The following ABI3BP variants were observed in gnomAD, a reference collection of about 807,000 sequenced individuals.
The protein encoded by ABI3BP is target of Nesh-SH3.
In ABI3BP, 216 loss-of-function variants were observed where a neutral mutation model predicts 268.6. That is an observed-to-expected ratio of 0.80 (90% confidence interval 0.72 to 0.90). The LOEUF (loss-of-function observed/expected upper bound fraction) is 0.90, where lower values mean the gene tolerates loss of function less well. Among genes scored for constraint, ABI3BP ranks in the 40% least tolerant of loss-of-function variants. The pLI, the probability that ABI3BP is intolerant of heterozygous loss-of-function variation, is 0.00. For synonymous variants in ABI3BP, 730 were observed against 730.0 expected, an observed-to-expected ratio of 1.00 and a Z score of 0.00; for missense variants, 2,090 against 2,182.4, an observed-to-expected ratio of 0.96 and a Z score of 0.84.
intron 41 of ABI3BP, 51 bp from the exon 42 acceptor site, chr3:100,817,546 T>C: frequency 3.8e-6 from 5 of 1,302,096 alleles, no homozygotes; most frequent in Non-Finnish European, 5.2e-6. Flanking sequence ...GAATATTAAT[T>C]TCACAGTTCA....
intron 1 of ABI3BP, among the ~76,000 whole-genome samples, chr3:100,968,771 T>C (rs940060606): frequency 6.6e-6 from 1 of 152,182 alleles, no homozygotes; most frequent in African/African-American, 2.4e-5. Context: ...ACACGTGCTA[T>C]GGTGGTTTGC....
intron 2 of ABI3BP, among the ~76,000 whole-genome samples, chr3:100,904,213 C>A (rs1435220587): frequency 2.0e-5 from 3 of 152,142 alleles, no homozygotes; most frequent in Admixed American, 6.5e-5. Context: ...ATAACTGGGG[C>A]AGGGTTGACT....
At chr3:100,844,349 CAAGTT>C in intron 20 of ABI3BP, 1 of 985,410 alleles carries the variant, frequency 1.0e-6, no homozygotes, top group Non-Finnish European at 1.2e-6. Flanking sequence ...ACGAGGTAGA[CAAGTT>C]AAGACATGGT....
chr3:100,812,362 G>T, intron 46 of ABI3BP, 105 bp downstream of exon 46: 2 of 673,486 alleles, frequency 3.0e-6, no homozygotes, highest in Non-Finnish European at 4.3e-6. Flanking sequence ...GCTGTGAGGA[G>T]CAAGTGGCTA....
chr3:100,974,712 CAAAG>C (rs1217865862), intron 1 of ABI3BP, among the ~76,000 whole-genome samples: 1 of 152,002 alleles, frequency 6.6e-6, no homozygotes, highest in African/African-American at 2.4e-5. Flanking sequence ...ATTAGATAGA[CAAAG>C]GAACTAGAGA....
chr3:100,800,016 T>C (rs2097480449), intron 51 of ABI3BP, among the ~76,000 whole-genome samples: 1 of 152,184 alleles, frequency 6.6e-6, no homozygotes, highest in African/African-American at 2.4e-5. Context: ...TATCTACTAG[T>C]TGGCCAGTCT....
intron 2 of ABI3BP, among the ~76,000 whole-genome samples, chr3:100,908,074 CCACTGCACTGCAGCCTGGGTGA>C (rs1345039058): frequency 6.6e-6 from 1 of 150,976 alleles, no homozygotes; most frequent in East Asian, 1.9e-4. Context: ...CGAGATCGTG[CCACTGCACTGCAGCCTGGGTGA>C]CAGAGCAAAG....
chr3:100,914,533 C>T, intron 2 of ABI3BP: 1 of 430,738 alleles, frequency 2.3e-6, no homozygotes, highest in South Asian at 1.7e-5. Context: ...GAAGGGAGCT[C>T]ACAGCTCATG....
At chr3:100,752,980 C>CTA in intron 65 of ABI3BP, 32 bp from the exon 66 acceptor site, 1 of 1,584,438 alleles carries the variant, frequency 6.3e-7, no homozygotes, top group Non-Finnish European at 8.6e-7. Context: ...AGTTTAGTAT[C>CTA]TGACTCTTGG....
intron 20 of ABI3BP, 36 bp downstream of exon 20, chr3:100,846,336 A>C (rs773699678): frequency 2.2e-6 from 3 of 1,389,206 alleles, no homozygotes; most frequent in Non-Finnish European, 9.8e-7. Context: ...TTTCAACCCC[A>C]CTTTTGGAAT....
chr3:100,787,468 T>C (rs539234727), intron 57 of ABI3BP, among the ~76,000 whole-genome samples: 5 of 152,272 alleles, frequency 3.3e-5, no homozygotes, highest in African/African-American at 1.2e-4. Flanking sequence ...AATTTATTCT[T>C]AATCAGGATC....
chr3:100,967,881 G>T, intron 1 of ABI3BP, among the ~76,000 whole-genome samples: 1 of 151,866 alleles, frequency 6.6e-6, no homozygotes, highest in Non-Finnish European at 1.5e-5. Context: ...AAGGGGCACA[G>T]AAAAAGAAAA....
chr3:100,804,952 C>CCTG, intron 50 of ABI3BP, 86 bp from the exon 51 acceptor site: 1 of 1,063,740 alleles, frequency 9.4e-7, no homozygotes, highest in Non-Finnish European at 1.5e-6. Context: ...AAGGTGTAGC[C>CCTG]TGAACACTGA....
Position 100,838,892 on chromosome 3 carries a change from C to T in ABI3BP, c.1946-428G>A, listed in dbSNP as rs146791320. The stretch of plus-strand genomic sequence containing the variant: ...ATGAGAAATAATGTTACATGGCTGC[C>T]GATGTCTGGGATTTCCCAAAGTAAA... On this transcript the variant is annotated intron_variant, in intron 24 of 67. Transcript: ENST00000471714. Among the ~76,000 whole-genome samples the T allele has an allele frequency of 6.2e-4, 95 of 152,160 alleles. 2 individuals carry two copies. The highest frequency in any genetic ancestry group is 2.1e-3 in the African/African-American group (89 of 41,514).
chr3:100,795,894 C>A, intron 52 of ABI3BP, 43 bp from the exon 53 acceptor site: 1 of 1,247,668 alleles, frequency 8.0e-7, no homozygotes, highest in Non-Finnish European at 1.0e-6. Context: ...ATGAGAATTA[C>A]TACCTGGCAA....
chr3:100,804,973 C>A (rs191511798), intron 50 of ABI3BP, 107 bp from the exon 51 acceptor site: 2 of 883,024 alleles, frequency 2.3e-6, no homozygotes, highest in Non-Finnish European at 3.8e-6. Context: ...TAAAACAAAG[C>A]ATTAGAGAGA....
intron 63 of ABI3BP, among the ~76,000 whole-genome samples, chr3:100,761,240 AT>A (rs1289531205): frequency 1.3e-5 from 2 of 152,122 alleles, no homozygotes; most frequent in Non-Finnish European, 2.9e-5. Flanking sequence ...ATTTCTTTTT[AT>A]TTTAGGAGTA....
intron 9 of ABI3BP, among the ~76,000 whole-genome samples, chr3:100,870,019 C>T (rs1229494417): frequency 3.3e-5 from 5 of 152,114 alleles, no homozygotes; most frequent in Non-Finnish European, 7.4e-5. Context: ...AGCTATTATA[C>T]TTCTTGATGC....
intron 9 of ABI3BP, among the ~76,000 whole-genome samples, chr3:100,872,360 C>T (rs2099118001): frequency 6.6e-6 from 1 of 151,976 alleles, no homozygotes. Flanking sequence ...TTAAAGAAAG[C>T]AAAAATGCTA....
Sources: allele counts gnomAD v4.1 joint callset (sites outside exome capture counted in the v4.1 genomes callset), GRCh38; gene constraint gnomAD v4.1.1; transcripts MANE v1.5; gene names NCBI Gene and HGNC (gene_info 2026-07-23, HGNC 2026-07-21).